Variants in HNRNPL observed in about 807,000 individuals in gnomAD.
The protein encoded by HNRNPL is epididymis secretory sperm binding protein.
HNRNPL carries 12 observed loss-of-function variants against 64.0 expected under a neutral mutation model. The observed-to-expected ratio is 0.19, with a 90% CI of 0.12 to 0.30. HNRNPL has a LOEUF of 0.30. HNRNPL is among the 10% of genes least tolerant of loss of function. The probability of loss-of-function intolerance (pLI) is 1.00; values close to 1 mark genes in which losing one functional copy is unlikely to be tolerated. For synonymous variants in HNRNPL, 385 were observed against 313.0 expected (o/e 1.23, Z -2.43); for missense variants, 484 against 797.4 (o/e 0.61, Z 4.73).
intron 1 of HNRNPL, among the ~76,000 whole-genome samples, chr19:38,848,378 C>T (rs1332165271): frequency 6.6e-6 from 1 of 152,250 alleles, no homozygotes; most frequent in Non-Finnish European, 1.5e-5. Context: ...TAGGCATGAG[C>T]CCCCACTCCC....
At chr19:38,848,094 TTTTA>T (rs141468172) in intron 1 of HNRNPL, among the ~76,000 whole-genome samples, 7,246 of 152,096 alleles carry the variant, frequency 0.048, 497 homozygotes, top group African/African-American at 0.15. Context: ...AAGAAAAGTC[TTTTA>T]TTTATTTTTT....
At chr19:38,849,032 AAT>A (rs1197646162) in intron 1 of HNRNPL, among the ~76,000 whole-genome samples, 1 of 152,184 alleles carries the variant, frequency 6.6e-6, no homozygotes, top group African/African-American at 2.4e-5. Flanking sequence ...ATGGCCAGGA[AAT>A]AGTTTGGTTT....
At chr19:38,837,500 A>G in intron 11 of HNRNPL, 21 bp from the exon 12 acceptor site, 3 of 1,613,800 alleles carry the variant, frequency 1.9e-6, no homozygotes, top group Non-Finnish European at 2.5e-6. Flanking sequence ...ACCAAGGGGA[A>G]AAGTAAAGGT....
rs1020836437 is a variant in HNRNPL, at chr19:38,839,230, A to G, written c.1234-215T>C. On this transcript the variant is annotated intron_variant, in intron 8 of 12. Transcript: ENST00000221419. Reference sequence around the variant, plus strand: ...TGTTTTTAACTGTGGGACATAACCCACCAGTAAATCATTTAGTGAAGCATG... The same window carrying G: ...TGTTTTTAACTGTGGGACATAACCCGCCAGTAAATCATTTAGTGAAGCATG... 4 of 549,522 alleles carry G rather than the reference A, an allele frequency of 7.3e-6. No individual in the cohort carries two copies. The African/African-American group carries it at 7.6e-5, about 10-fold the overall frequency. 34.0% of individuals were successfully genotyped at this position (549,522 alleles called of 1,614,324 possible).
Position 38,836,461 on chromosome 19 carries a change from GAAAAA to G in HNRNPL, c.*256_*260del, listed in dbSNP as rs35971309. 3.1e-5 allele frequency: 10 copies of G among 320,718 alleles called. No homozygotes were observed. The highest frequency in any genetic ancestry group is 9.4e-5 in the Admixed American group (2 of 21,200). 19.9% of individuals were successfully genotyped at this position (320,718 alleles called of 1,614,324 possible). A position where few individuals can be genotyped will look rare whatever the true frequency, so the allele number is the denominator to read the frequency against. ...ATGGGCAGCACAAATGTATGAACAG[GAAAAA>G]AAAAAATCACATGTACAATAATTTT... On this transcript the variant is annotated 3_prime_UTR_variant, in exon 13 of 13. Transcript: ENST00000221419.
chr19:38,849,740 C>T lies in HNRNPL; in HGVS notation c.227G>A (p.Gly76Asp). The change falls in exon 1 of 13, where the codon GGC (glycine) becomes GAC (aspartate). Residue 76 changes from glycine to aspartate, a missense_variant. By Grantham distance (94) the Gly-to-Asp change is moderately conservative. This residue lies in a region of HNRNPL where 190 missense variants were observed against 160.1 expected (regional missense o/e 1.19). Coordinates refer to ENST00000221419, the MANE Select transcript of HNRNPL (RefSeq NM_001533.3). ...GCCCGCCGCCCCGGCTCCTCCACCG[C>T]CACCGCCGCCGCCTCCGTGCTGGTC... ...AGDQHGGGGGGGGGAGAAGGG... is the reference protein window; with the variant it reads ...AGDQHGGGGGDGGGAGAAGGG... The T allele has an allele frequency of 7.2e-7, 1 of 1,393,364 alleles. No individual in the cohort carries two copies. Among genetic ancestry groups the T allele is most frequent in the Non-Finnish European group, 9.3e-7 (1 of 1,076,018 alleles). The allele number at this position is 1,393,364 out of a possible 1,614,324, so 86.3% of individuals were successfully genotyped here.
upstream of HNRNPL, chr19:38,850,059 C>T (rs907783602): frequency 4.6e-6 from 5 of 1,097,496 alleles, no homozygotes; most frequent in Non-Finnish European, 6.0e-6. Context: ...GCCACTGGTC[C>T]CGCCGCGGGG....
rs1413890278 is a variant in HNRNPL at position 38,840,126 on chromosome 19, A to G, written c.1203T>C (p.Asn401=). ...CCACATTGCCATATAAGCAGAAGAC[A>G]TTGAAGACTCGGTCACAGTTCATCT... ...QSKMNCDRVF[N]VFCLYGNVEK... is the part of the protein sequence containing the mutation. Residue 401 remains asparagine, a synonymous_variant, in exon 8 of 13, where the codon AAT becomes AAC. Transcript: ENST00000221419. The G allele has an allele frequency of 2.1e-5, 31 of 1,505,390 alleles. No homozygotes were observed. Among genetic ancestry groups the G allele is most frequent in the Non-Finnish European group, 2.8e-5 (31 of 1,114,892 alleles). The allele number at this position is 1,505,390 out of a possible 1,614,324, so 93.3% of individuals were successfully genotyped here.
In HNRNPL at chr19:38,836,597, TTAAAA is replaced by T; in HGVS notation, c.*120_*124del. ...AAGTAAGCCTCTACAAACCTAGCAT[TTAAAA>T]AAAAAAAAAAAAAAAAAAAAAAGGA... On this transcript the variant is annotated 3_prime_UTR_variant, in exon 13 of 13. Coordinates refer to ENST00000221419, the MANE Select transcript of HNRNPL (RefSeq NM_001533.3). 2.2e-6 allele frequency: 1 copy of T among 451,692 alleles called. No homozygotes were observed. The highest frequency in any genetic ancestry group is 3.9e-5 in the African/African-American group (1 of 25,638). The allele number at this position is 451,692 out of a possible 1,614,324, so 28.0% of individuals were successfully genotyped here. A position where few individuals can be genotyped will look rare whatever the true frequency, so the allele number is the denominator to read the frequency against.
At chr19:38,837,005 C>T (rs1053018547) in intron 12 of HNRNPL, 2 of 546,984 alleles carry the variant, frequency 3.7e-6, no homozygotes, top group Non-Finnish European at 6.5e-6. Flanking sequence ...ATCTCCTTCG[C>T]CAGCCCAAGG....
At chr19:38,845,790 G>A (rs573514369) in intron 3 of HNRNPL, 55 bp from the exon 4 acceptor site, 7 of 1,596,244 alleles carry the variant, frequency 4.4e-6, no homozygotes, top group Non-Finnish European at 6.0e-6. Context: ...AGTCTGGCTT[G>A]GGGGAGGGAA....
chr19:38,841,345 T>C (rs1159320076), intron 6 of HNRNPL: 1 of 346,634 alleles, frequency 2.9e-6, no homozygotes, highest in East Asian at 7.6e-5. Flanking sequence ...AGCCCCATTT[T>C]ACAGATAAGA....
In HNRNPL at chr19:38,840,365, C is replaced by T. The variant is rs539192059; in HGVS notation, c.964G>A (p.Gly322Ser). 1.4e-5 allele frequency: 21 copies of T among 1,550,080 alleles called. No homozygotes were observed. The highest frequency in any genetic ancestry group is 1.1e-4 in the East Asian group (5 of 44,000). ...TCATGGTAATGGCTGTGGTACCCAC[C>T]GTGGGGCCCTCCTGGGGGGTGGGAA... Reference protein sequence around the residue: ...DHPAEYGGPHGGYHSHYHDEG... With the variant: ...DHPAEYGGPHSGYHSHYHDEG... The change falls in exon 8 of 13, where the codon GGT becomes AGT. Residue 322 changes from glycine (G) to serine (S), a missense_variant. Gly to Ser is a moderately conservative substitution (Grantham distance 56, BLOSUM62 0). This residue lies in a region of HNRNPL where 46 missense variants were observed against 37.4 expected (regional missense o/e 1.23). Transcript: ENST00000221419.
chr19:38,850,253 G>C, upstream of HNRNPL: 1 of 361,622 alleles, frequency 2.8e-6, no homozygotes, highest in South Asian at 8.9e-5. Context: ...GGCGCTGCTG[G>C]CCTCCCTAAA....
At chr19:38,849,085 G>C (rs1037576555) in intron 1 of HNRNPL, among the ~76,000 whole-genome samples, 4 of 152,238 alleles carry the variant, frequency 2.6e-5, no homozygotes, top group Non-Finnish European at 5.9e-5. Flanking sequence ...GAAACTGTAA[G>C]CAAACTTGTG....
intron 6 of HNRNPL, 48 bp from the exon 7 acceptor site, chr19:38,840,607 T>G: frequency 2.8e-6 from 4 of 1,427,104 alleles, no homozygotes; most frequent in Non-Finnish European, 2.9e-6. Context: ...AATTGGGGTC[T>G]CTCCCTCCCT....
chr19:38,841,777 T>C (rs908435174), intron 6 of HNRNPL: 2 of 518,404 alleles, frequency 3.9e-6, no homozygotes, highest in Non-Finnish European at 6.8e-6. Context: ...ATATTTTGAT[T>C]AAATCAAAAA....
At chr19:38,837,676 T>C (rs764399820) in intron 10 of HNRNPL, 25 bp from the exon 11 acceptor site, 7 of 1,610,596 alleles carry the variant, frequency 4.3e-6, no homozygotes, top group Non-Finnish European at 5.1e-6. Context: ...AGGTAGTAAA[T>C]GAACTCTGAA....
intron 1 of HNRNPL, among the ~76,000 whole-genome samples, 156 bp downstream of exon 1, chr19:38,849,544 C>A (rs1026981721): frequency 9.2e-5 from 14 of 152,156 alleles, no homozygotes; most frequent in African/African-American, 3.4e-4. Flanking sequence ...GCGCAAACCC[C>A]GCCGTTTGCC....
Sources: gnomAD v4.1 joint callset for allele counts (sites outside exome capture counted in the v4.1 genomes callset) on GRCh38, gnomAD v4.1.1 for gene constraint, gnomAD v4.1.1 regional missense constraint, MANE v1.5 for transcripts, NCBI Gene and HGNC (gene_info 2026-07-23, HGNC 2026-07-21) for gene names.